Variants in RPS6KA3 observed in about 807,000 individuals in gnomAD.
RPS6KA3 encodes the protein ribosomal protein S6 kinase A3, also known as ribosomal protein S6 kinase alpha-3.
Under a neutral mutation model 67.2 loss-of-function variants are expected in RPS6KA3, and 4 were observed. That is an observed-to-expected ratio of 0.06 (90% CI 0.03 to 0.14). RPS6KA3 has a LOEUF of 0.14. RPS6KA3 is among the 10% of genes least tolerant of loss of function. The probability of loss-of-function intolerance (pLI) is 1.00; values close to 1 mark genes in which losing one functional copy is unlikely to be tolerated. For missense variants in RPS6KA3, 204 were observed against 559.0 expected (o/e 0.36, Z 6.40); for synonymous variants, 182 against 183.7 (o/e 0.99, Z 0.07).
rs2067088697 is a variant in RPS6KA3 at position 20,150,644 on chromosome X, T to A, written c.*4754A>T. 1 of 112,624 alleles carries A rather than the reference T, an allele frequency of 8.9e-6. No homozygotes were observed. Among genetic ancestry groups the A allele is most frequent in the South Asian group, 3.6e-4 (1 of 2,790 alleles). The allele number at this position is 112,624 out of a possible 1,213,427, so 9.3% of individuals were successfully genotyped here. On this transcript the variant is annotated 3_prime_UTR_variant, in exon 22 of 22. Coordinates refer to ENST00000379565, the MANE Select transcript of RPS6KA3 (RefSeq NM_004586.3). ...TTGTTTGAAAAACTCATTATACAGT[T>A]CATTCAGTACTATGGTGATAACAGG...
chrX:20,243,053 T>C (rs2069591728), intron 1 of RPS6KA3, among the ~76,000 whole-genome samples: 1 of 110,143 alleles, frequency 9.1e-6, no homozygotes, highest in South Asian at 3.7e-4. Context: ...AACAGATAAG[T>C]ATAAAAAAAA....
intron 11 of RPS6KA3, 103 bp from the exon 12 acceptor site, chrX:20,176,601 A>ATTAC (rs2067705996): frequency 5.3e-6 from 3 of 563,895 alleles, no homozygotes; most frequent in Non-Finnish European, 8.8e-6. Flanking sequence ...TAATTAATTA[A>ATTAC]TTAATTTTGA....
chrX:20,204,627 G>A (rs1473188488), intron 3 of RPS6KA3, among the ~76,000 whole-genome samples: 1 of 112,403 alleles, frequency 8.9e-6, no homozygotes, highest in Non-Finnish European at 1.9e-5. Flanking sequence ...TGGGCTGGGA[G>A]TGGTGGCACA....
chrX:20,184,396 TC>T, intron 10 of RPS6KA3, among the ~76,000 whole-genome samples: 2 of 107,304 alleles, frequency 1.9e-5, no homozygotes, highest in Admixed American at 1.0e-4. Flanking sequence ...GCATTACTTT[TC>T]TTTTTTTTTT....
At chrX:20,247,875 C>CA (rs1415663967) in intron 1 of RPS6KA3, among the ~76,000 whole-genome samples, 22 of 105,756 alleles carry the variant, frequency 2.1e-4, no homozygotes, top group Admixed American at 5.0e-4. Context: ...AAATAAAAAA[C>CA]AAAAAAAACC....
At position 20,164,944 on chromosome X, in the gene RPS6KA3, A is replaced by G; in HGVS notation, c.1719T>C (p.Gly573=). The G allele has an allele frequency of 8.3e-7, 1 of 1,209,351 alleles. No homozygotes were observed. The highest frequency in any genetic ancestry group is 1.1e-6 in the Non-Finnish European group (1 of 893,249). Residue 573 remains glycine (G), a synonymous_variant, in exon 18 of 22, where the codon GGT becomes GGC. Coordinates refer to ENST00000379565, the MANE Select transcript of RPS6KA3 (RefSeq NM_004586.3). ...GFAKQLRAEN[G]LLMTPCYTAN... is the part of the protein sequence containing the mutation. Reference sequence around the variant, plus strand: ...CAGTGTAACAAGGAGTCATGAGAAGACCATTTTCCGCTCTCAGCTGTTTTG... The same window carrying G: ...CAGTGTAACAAGGAGTCATGAGAAGGCCATTTTCCGCTCTCAGCTGTTTTG...
chrX:20,253,308 T>C (rs1025769288), intron 1 of RPS6KA3, among the ~76,000 whole-genome samples: 34 of 110,805 alleles, frequency 3.1e-4, no homozygotes, highest in African/African-American at 1.1e-3. Context: ...AGGTTTAGAC[T>C]TACTTGGCTA....
chrX:20,244,580 T>C (rs1167214044), intron 1 of RPS6KA3, among the ~76,000 whole-genome samples: 1 of 112,130 alleles, frequency 8.9e-6, no homozygotes, highest in Non-Finnish European at 1.9e-5. Flanking sequence ...GAAAAAAAGT[T>C]AGGTTGAGAT....
chrX:20,229,426 T>G (rs779679917), intron 2 of RPS6KA3, among the ~76,000 whole-genome samples: 1 of 111,848 alleles, frequency 8.9e-6, no homozygotes, highest in South Asian at 3.7e-4. Flanking sequence ...CCTTCCCTAG[T>G]CAAGTTTCAG....
At chrX:20,227,016 CTTTG>C (rs1029179507) in intron 2 of RPS6KA3, among the ~76,000 whole-genome samples, 10 of 111,670 alleles carry the variant, frequency 9.0e-5, no homozygotes, top group South Asian at 3.7e-4. Context: ...TTTACAGTTG[CTTTG>C]TTTTTTAATT....
In RPS6KA3 at chrX:20,152,717, A is replaced by T. The variant is rs891777302; in HGVS notation, c.*2681T>A. ...AAAAGCAATGGAAGAGAATAAGAGG[A>T]CCACAGATGAAATAAATTTAGGTAG... On this transcript the variant is annotated 3_prime_UTR_variant, in exon 22 of 22. Coordinates refer to ENST00000379565, the MANE Select transcript of RPS6KA3 (RefSeq NM_004586.3). 2 of 112,641 alleles carry T rather than the reference A, an allele frequency of 1.8e-5. No homozygotes were observed. Among genetic ancestry groups the T allele is most frequent in the Non-Finnish European group, 3.8e-5 (2 of 53,331 alleles). 9.3% of individuals were successfully genotyped at this position (112,641 alleles called of 1,213,427 possible). A position where few individuals can be genotyped will look rare whatever the true frequency, so the allele number is the denominator to read the frequency against.
rs745395379 is a variant in RPS6KA3, at chrX:20,162,950, T to C, written c.1841+14A>G. ...CAAATGCTTAGGTGCTTAGAACATA[T>C]GGTATACACTCACCCGGTAAGCATT... On this transcript the variant is annotated intron_variant, in intron 19 of 21. Transcript: ENST00000379565. 3.9e-6 allele frequency: 4 copies of C among 1,031,071 alleles called. No homozygotes were observed. The highest frequency in any genetic ancestry group is 5.5e-6 in the Non-Finnish European group (4 of 731,635). 85.0% of individuals were successfully genotyped at this position (1,031,071 alleles called of 1,213,427 possible).
rs1348574117 is a variant in RPS6KA3, at chrX:20,153,629, T to G, written c.*1769A>C. 1 of 109,586 alleles carries G rather than the reference T, an allele frequency of 9.1e-6. No homozygotes were observed. Among genetic ancestry groups the G allele is most frequent in the Non-Finnish European group, 1.9e-5 (1 of 52,467 alleles). The allele number at this position is 109,586 out of a possible 1,213,427, so 9.0% of individuals were successfully genotyped here. The stretch of plus-strand genomic sequence containing the variant: ...TATGAGTACATTCTTTTTTTTTTTT[T>G]TCCTTCTTGAGACAGAGTCTCACTC... On this transcript the variant is annotated 3_prime_UTR_variant, in exon 22 of 22. Coordinates refer to ENST00000379565, the MANE Select transcript of RPS6KA3 (RefSeq NM_004586.3).
intron 17 of RPS6KA3, among the ~76,000 whole-genome samples, chrX:20,165,484 A>G (rs1303634084): frequency 9.0e-6 from 1 of 111,297 alleles, no homozygotes; most frequent in African/African-American, 3.3e-5. Context: ...GGAAGCAGAG[A>G]ATAGGTTGAG....
chrX:20,223,514 C>T (rs1028048174), intron 2 of RPS6KA3, among the ~76,000 whole-genome samples: 5 of 112,068 alleles, frequency 4.5e-5, no homozygotes, highest in Non-Finnish European at 9.4e-5. Context: ...AAAAAGCATA[C>T]ATTTCACCAA....
upstream of RPS6KA3, chrX:20,267,050 A>C (rs1374327649): frequency 1.3e-6 from 1 of 752,083 alleles, no homozygotes; most frequent in Non-Finnish European, 1.6e-6. Context: ...TGTCTCTCAA[A>C]GCGAGGCTCG....
intron 2 of RPS6KA3, among the ~76,000 whole-genome samples, chrX:20,213,483 C>T (rs2068769033): frequency 9.0e-6 from 1 of 111,393 alleles, no homozygotes; most frequent in African/African-American, 3.3e-5. Flanking sequence ...AGAATCCTAA[C>T]TCTTCCCTTT....
chrX:20,264,321 G>C (rs772091011), intron 1 of RPS6KA3, among the ~76,000 whole-genome samples: 1 of 112,026 alleles, frequency 8.9e-6, no homozygotes, highest in Admixed American at 9.4e-5. Flanking sequence ...AAATAACAAG[G>C]CTTTACCAAA....
intron 1 of RPS6KA3, among the ~76,000 whole-genome samples, chrX:20,260,037 G>A (rs1043104342): frequency 7.2e-5 from 8 of 111,411 alleles, no homozygotes; most frequent in South Asian, 3.7e-4. Flanking sequence ...ATGGCATTTC[G>A]AAATAACTAA....
Sources: allele counts gnomAD v4.1 joint callset (sites outside exome capture counted in the v4.1 genomes callset), GRCh38; gene constraint gnomAD v4.1.1; transcripts MANE v1.5; gene names NCBI Gene and HGNC (gene_info 2026-07-23, HGNC 2026-07-21).